CLIP1: variants seen among roughly 807,000 people sequenced by gnomAD.
The protein encoded by CLIP1 is CAP-Gly domain containing linker protein 1, also known as CAP-Gly domain-containing linker protein 1.
A neutral mutation model predicts 161.6 loss-of-function variants in CLIP1; 66 were observed. The observed-to-expected ratio is 0.41, with a 90% CI of 0.33 to 0.50. The LOEUF is 0.50. Ranked by LOEUF, CLIP1 falls within the 20% of genes least tolerant of loss-of-function variation. The pLI is 0.27. For missense variants in CLIP1, 1,376 were observed against 1,702.0 expected, an observed-to-expected ratio of 0.81 and a Z score of 3.37; for synonymous variants, 598 against 626.2, an observed-to-expected ratio of 0.96 and a Z score of 0.67.
rs1257892038 is a variant in CLIP1 at position 122,359,753 on chromosome 12, C to T, written c.1005+1206G>A. On this transcript the variant is annotated intron_variant, in intron 5 of 25. Transcript: ENST00000620786. ...CAGCACCTGTCCCTTCTCTGCCCGA[C>T]GACAATGGAAGAGCAGGCACCGTGA... 7.9e-5 allele frequency among the ~76,000 whole-genome samples: 12 copies of T among 152,232 alleles called. No individual in the cohort carries two copies. In the East Asian group the frequency reaches 2.1e-3, roughly 27 times the overall value.
chr12:122,362,833 G>A (rs1953937576), intron 4 of CLIP1, among the ~76,000 whole-genome samples: 1 of 150,854 alleles, frequency 6.6e-6, no homozygotes, highest in African/African-American at 2.4e-5. Flanking sequence ...AACTATTAAT[G>A]TCTATTTTCA....
intron 12 of CLIP1, among the ~76,000 whole-genome samples, chr12:122,335,008 G>A (rs890874410): frequency 6.6e-6 from 1 of 152,160 alleles, no homozygotes; most frequent in Admixed American, 6.6e-5. Context: ...TGTATACATA[G>A]GGTGCACGTG....
chr12:122,356,488 G>A (rs1953369968), intron 5 of CLIP1, among the ~76,000 whole-genome samples: 1 of 152,218 alleles, frequency 6.6e-6, no homozygotes, highest in African/African-American at 2.4e-5. Flanking sequence ...CACAGGAAAT[G>A]AGGTTGGTGA....
intron 20 of CLIP1, among the ~76,000 whole-genome samples, chr12:122,295,182 C>A (rs1294586429): frequency 1.1e-4 from 17 of 152,106 alleles, no homozygotes; most frequent in Non-Finnish European, 1.5e-5. Context: ...ACCAGCCGGC[C>A]AACACGATAA....
chr12:122,365,877 G>A (rs1396109875), intron 3 of CLIP1, among the ~76,000 whole-genome samples: 1 of 152,040 alleles, frequency 6.6e-6, no homozygotes. Context: ...GGGCATAGTG[G>A]TGTGCGCCTG....
rs1012499721 is a variant in CLIP1 at position 122,323,930 on chromosome 12, G to A, written c.3249+4017C>T. 3.9e-5 allele frequency: 6 copies of A among 152,586 alleles called. No homozygotes were observed. The highest frequency in any genetic ancestry group is 1.4e-4 in the African/African-American group (6 of 41,426). 9.5% of individuals were successfully genotyped at this position (152,586 alleles called of 1,614,324 possible). ...TTCTTCCTGGTCCTTCTCAGTCTTA[G>A]CAATCAAAGTATCTTTGCTGAGCTG... On this transcript the variant is annotated intron_variant, in intron 17 of 25. Transcript: ENST00000620786. This position sits in a 1 kb window ranked among gnomAD's most constrained non-coding sequence, Gnocchi z 4.1.
At chr12:122,372,514 G>C (rs1023652718) in intron 3 of CLIP1, among the ~76,000 whole-genome samples, 2 of 151,654 alleles carry the variant, frequency 1.3e-5, no homozygotes. Flanking sequence ...TTGAACTCAC[G>C]GGGCAGAGGA....
At chr12:122,357,693 G>T (rs1015696002) in intron 5 of CLIP1, among the ~76,000 whole-genome samples, 5 of 146,582 alleles carry the variant, frequency 3.4e-5, no homozygotes, top group South Asian at 2.2e-4. Flanking sequence ...AGATGGGGGG[G>T]TCAGTCCCCT....
intron 1 of CLIP1, chr12:122,395,537 A>G (rs1955879517): frequency 6.6e-6 from 1 of 152,136 alleles, no homozygotes. Flanking sequence ...CTGAAGCCTC[A>G]CCACTTTAAA....
At chr12:122,337,546 C>T (rs1393203589) in intron 11 of CLIP1, among the ~76,000 whole-genome samples, 1 of 151,958 alleles carries the variant, frequency 6.6e-6, no homozygotes, top group African/African-American at 2.4e-5. Flanking sequence ...ATTTTGGACT[C>T]TCAAAGTGCT....
In CLIP1 at chr12:122,365,175, T is replaced by C. The variant is rs1406547855; in HGVS notation, c.658-1068A>G. On this transcript the variant is annotated intron_variant, in intron 3 of 25. Coordinates refer to ENST00000620786, the MANE Select transcript of CLIP1 (RefSeq NM_001247997.2). The stretch of plus-strand genomic sequence containing the variant: ...GGGTGCAGCACACCAGCATGGCACA[T>C]GTATACATATGTAACTAACCTGCAC... The C allele has an allele frequency of 3.0e-5, 13 of 427,090 alleles. 1 individual carries two copies. The highest frequency in any genetic ancestry group is 1.2e-4 in the African/African-American group (6 of 48,312). The allele number at this position is 427,090 out of a possible 1,614,324, so 26.5% of individuals were successfully genotyped here. A position where few individuals can be genotyped will look rare whatever the true frequency, so the allele number is the denominator to read the frequency against.
chr12:122,377,294 C>A lies in CLIP1; in HGVS notation c.657+95G>T, dbSNP rs557865355. 4 of 1,169,234 alleles carry A rather than the reference C, an allele frequency of 3.4e-6. No individual in the cohort carries two copies. In the East Asian group the frequency reaches 9.4e-5, roughly 27 times the overall value. 72.4% of individuals were successfully genotyped at this position (1,169,234 alleles called of 1,614,324 possible). A position where few individuals can be genotyped will look rare whatever the true frequency, so the allele number is the denominator to read the frequency against. ...AAGTGCTGGGATTATAGGTGTGAGC[C>A]ACCGCGCCCAGCCCTGATGTGTGTG... On this transcript the variant is annotated intron_variant, in intron 3 of 25. Coordinates refer to ENST00000620786, the MANE Select transcript of CLIP1 (RefSeq NM_001247997.2).
At chr12:122,389,511 C>T (rs1955489299) in intron 1 of CLIP1, among the ~76,000 whole-genome samples, 1 of 152,124 alleles carries the variant, frequency 6.6e-6, no homozygotes, top group African/African-American at 2.4e-5. Context: ...GTAATCCCAG[C>T]ACTTTGGGAG....
chr12:122,409,126 TTC>T (rs1956435828), intron 1 of CLIP1, among the ~76,000 whole-genome samples: 1 of 145,576 alleles, frequency 6.9e-6, no homozygotes, highest in South Asian at 2.2e-4. Context: ...TATTTTTCTT[TTC>T]TTTTTCTTTT....
chr12:122,304,423 C>T (rs758285476), intron 20 of CLIP1, among the ~76,000 whole-genome samples: 8 of 152,140 alleles, frequency 5.3e-5, no homozygotes, highest in Non-Finnish European at 1.0e-4. Flanking sequence ...TCCAGTGGTA[C>T]GATCTCGACT....
chr12:122,403,156 G>C (rs746101362), intron 1 of CLIP1, among the ~76,000 whole-genome samples: 2 of 152,146 alleles, frequency 1.3e-5, no homozygotes, highest in Non-Finnish European at 2.9e-5. Flanking sequence ...AAAGGGCAGA[G>C]AAATGTAAAA....
chr12:122,288,963 C>CCGCCACAA (rs1477580686), intron 20 of CLIP1, among the ~76,000 whole-genome samples: 1 of 151,092 alleles, frequency 6.6e-6, no homozygotes, highest in Non-Finnish European at 1.5e-5. Flanking sequence ...CTACAGGCGC[C>CCGCCACAA]CGCCACAACG....
chr12:122,360,866 A>AAGCAAAGCAGCAAAGC (rs373411063), intron 5 of CLIP1, 93 bp downstream of exon 5: 2 of 1,049,340 alleles, frequency 1.9e-6, no homozygotes, highest in Non-Finnish European at 2.7e-6. Context: ...GCACAAGGAC[A>AAGCAAAGCAGCAAAGC]AGCAAAGCAG....
At chr12:122,386,072 G>A (rs11057858) in intron 1 of CLIP1, among the ~76,000 whole-genome samples, 3 of 152,142 alleles carry the variant, frequency 2.0e-5, no homozygotes, top group Non-Finnish European at 4.4e-5. Context: ...GTTCACCTGA[G>A]GTCAGGAGTT....
Sources: allele counts gnomAD v4.1 joint callset (sites outside exome capture counted in the v4.1 genomes callset), GRCh38; gene constraint gnomAD v4.1.1; non-coding constraint Gnocchi (gnomAD v3.1); transcripts MANE v1.5; gene names NCBI Gene and HGNC (gene_info 2026-07-23, HGNC 2026-07-21).